The following NELL2 variants were observed in gnomAD, a reference collection of about 807,000 sequenced individuals.
NELL2 encodes the protein protein kinase C-binding protein NELL2.
A neutral mutation model predicts 109.6 loss-of-function variants in NELL2; 41 were observed. That is an observed-to-expected ratio of 0.37 (90% CI 0.29 to 0.49). The LOEUF (loss-of-function observed/expected upper bound fraction) is 0.49, where lower values mean the gene tolerates loss of function less well. Ranked by LOEUF, NELL2 falls within the 20% of genes least tolerant of loss-of-function variation. NELL2 has a pLI of 0.98. For synonymous variants in NELL2, 355 were observed against 344.7 expected (o/e 1.03, Z -0.33); for missense variants, 900 against 1,008.3 (o/e 0.89, Z 1.45).
At chr12:44,546,772 A>C (rs1040937907) in intron 15 of NELL2, among the ~76,000 whole-genome samples, 1 of 152,194 alleles carries the variant, frequency 6.6e-6, no homozygotes, top group Non-Finnish European at 1.5e-5. Context: ...TGATAGATCA[A>C]AGGAAAAGGT....
At chr12:44,842,446 A>C (rs1190037489) in intron 2 of NELL2, among the ~76,000 whole-genome samples, 1 of 152,232 alleles carries the variant, frequency 6.6e-6, no homozygotes, top group Non-Finnish European at 1.5e-5. Context: ...AATCAATTCA[A>C]AATGTATTAT....
At chr12:44,737,869 A>G (rs1367946745) in intron 9 of NELL2, among the ~76,000 whole-genome samples, 1 of 149,642 alleles carries the variant, frequency 6.7e-6, no homozygotes, top group East Asian at 2.0e-4. Flanking sequence ...AATGAGAACT[A>G]AAGGGCAAAC....
chr12:44,552,078 T>C (rs1943062153), intron 15 of NELL2, among the ~76,000 whole-genome samples: 1 of 152,168 alleles, frequency 6.6e-6, no homozygotes, highest in Non-Finnish European at 1.5e-5. Flanking sequence ...ACTAGGCATA[T>C]TACTGCTAAT....
At chr12:44,750,040 T>C (rs917410716) in intron 9 of NELL2, among the ~76,000 whole-genome samples, 1 of 151,544 alleles carries the variant, frequency 6.6e-6, no homozygotes, top group Non-Finnish European at 1.5e-5. Flanking sequence ...AGAGGGAACA[T>C]ATAAAAAGAG....
Position 44,607,159 on chromosome 12 carries a change from A to G in NELL2, c.1663+10T>C. Reference sequence around the variant, plus strand: ...AATTCATTTTCTAGAAGATGAAATGATATTCTTACCCGTTTCACAGCTGGG... The same window carrying G: ...AATTCATTTTCTAGAAGATGAAATGGTATTCTTACCCGTTTCACAGCTGGG... On this transcript the variant is annotated intron_variant, in intron 15 of 19. Coordinates refer to ENST00000429094, the MANE Select transcript of NELL2 (RefSeq NM_001145108.2). 1 of 1,604,376 alleles carries G rather than the reference A, an allele frequency of 6.2e-7. No homozygotes were observed. Among genetic ancestry groups the G allele is most frequent in the Non-Finnish European group, 8.5e-7 (1 of 1,175,140 alleles).
At chr12:44,881,219 T>TA (rs1945408243), upstream of NELL2, among the ~76,000 whole-genome samples, 1 of 151,962 alleles carries the variant, frequency 6.6e-6, no homozygotes, top group African/African-American at 2.4e-5. Context: ...TAGGTTATAA[T>TA]AAAAAATTAT....
At chr12:44,701,359 T>C (rs1949223357) in intron 12 of NELL2, among the ~76,000 whole-genome samples, 1 of 152,084 alleles carries the variant, frequency 6.6e-6, no homozygotes, top group Non-Finnish European at 1.5e-5. Context: ...TAAATGACAA[T>C]TAGTATAAAG....
intron 2 of NELL2, 173 bp downstream of exon 2, chr12:44,875,052 G>GA (rs1357886068): frequency 1.7e-5 from 15 of 865,658 alleles, no homozygotes; most frequent in Middle Eastern, 3.6e-4. Flanking sequence ...AGGCAGGGGA[G>GA]AAAAAACCAC....
At chr12:44,599,678 G>T (rs1414776479) in intron 15 of NELL2, among the ~76,000 whole-genome samples, 2 of 152,142 alleles carry the variant, frequency 1.3e-5, no homozygotes, top group Non-Finnish European at 1.5e-5. Context: ...ATATTGAGTG[G>T]ATTCCAAAAC....
At chr12:44,815,830 G>T (rs1434336561) in intron 3 of NELL2, 156 bp downstream of exon 3, 6 of 686,176 alleles carry the variant, frequency 8.7e-6, no homozygotes, top group Non-Finnish European at 9.1e-6. Context: ...TATTGGTCAG[G>T]CTGGTCTTGA....
chr12:44,561,745 A>G (rs891279336), intron 15 of NELL2, among the ~76,000 whole-genome samples: 7 of 152,180 alleles, frequency 4.6e-5, no homozygotes, highest in Admixed American at 1.3e-4. Flanking sequence ...CCACACTGCC[A>G]AAAGTAATTT....
intron 9 of NELL2, among the ~76,000 whole-genome samples, chr12:44,765,280 A>G (rs1941283913): frequency 6.6e-6 from 1 of 152,208 alleles, no homozygotes; most frequent in Admixed American, 6.5e-5. Context: ...TTGTTGCACA[A>G]GTATTTGTGA....
intron 3 of NELL2, among the ~76,000 whole-genome samples, chr12:44,794,494 G>A (rs750095966): frequency 6.6e-5 from 10 of 152,034 alleles, no homozygotes; most frequent in Admixed American, 3.3e-4. Context: ...CCTTGTGCTG[G>A]CAGCAACAGC....
chr12:44,767,686 G>A (rs1335037552), intron 9 of NELL2, among the ~76,000 whole-genome samples: 1 of 152,018 alleles, frequency 6.6e-6, no homozygotes, highest in Non-Finnish European at 1.5e-5. Flanking sequence ...GGGATAATAT[G>A]CAACTATTTT....
chr12:44,526,650 T>C (rs1414967350), intron 16 of NELL2, among the ~76,000 whole-genome samples: 3 of 152,172 alleles, frequency 2.0e-5, no homozygotes, highest in African/African-American at 7.2e-5. Context: ...CTTTGAAGAT[T>C]AGAAAGAGAG....
chr12:44,823,260 A>G (rs895662283), intron 2 of NELL2, among the ~76,000 whole-genome samples: 17 of 152,186 alleles, frequency 1.1e-4, no homozygotes, highest in Admixed American at 1.1e-3. Context: ...TTTTTAATGT[A>G]TGGTGAGAAC....
intron 15 of NELL2, among the ~76,000 whole-genome samples, chr12:44,558,813 C>A (rs1466197): frequency 6.6e-6 from 1 of 151,940 alleles, no homozygotes; most frequent in African/African-American, 2.4e-5. Flanking sequence ...ACTGGAACAC[C>A]AGTGAGACAG....
At chr12:44,882,510 A>T (rs1458092443) in intron 1 of NELL2, among the ~76,000 whole-genome samples, 1 of 151,582 alleles carries the variant, frequency 6.6e-6, no homozygotes, top group Non-Finnish European at 1.5e-5. Flanking sequence ...ACACACGCAC[A>T]CACACGCACA....
At chr12:44,623,613 C>T (rs186652902) in intron 13 of NELL2, among the ~76,000 whole-genome samples, 2 of 151,994 alleles carry the variant, frequency 1.3e-5, no homozygotes, top group Non-Finnish European at 1.5e-5. Flanking sequence ...GAGCTCTTGC[C>T]CCCAGGAATC....
Sources: gnomAD v4.1 joint callset for allele counts (sites outside exome capture counted in the v4.1 genomes callset) on GRCh38, gnomAD v4.1.1 for gene constraint, MANE v1.5 for transcripts, NCBI Gene and HGNC (gene_info 2026-07-23, HGNC 2026-07-21) for gene names.